Variants in CLDN18 observed in about 807,000 individuals in gnomAD.
CLDN18 encodes the protein claudin 18, also known as claudin-18.
Under a neutral mutation model 25.0 loss-of-function variants are expected in CLDN18, and 20 were observed. The observed-to-expected ratio is 0.80, with a 90% CI of 0.56 to 1.16. The LOEUF is 1.16. Ranked by LOEUF, CLDN18 falls within the 50% of genes most tolerant of loss-of-function variation. The pLI is 0.00. For synonymous variants in CLDN18, 125 were observed against 135.6 expected, an observed-to-expected ratio of 0.92 and a Z score of 0.54; for missense variants, 297 against 345.4, an observed-to-expected ratio of 0.86 and a Z score of 1.11.
chr3:138,013,329 A>T (rs1227585372), intron 1 of CLDN18, among the ~76,000 whole-genome samples: 1 of 152,224 alleles, frequency 6.6e-6, no homozygotes, highest in Non-Finnish European at 1.5e-5. Flanking sequence ...TGCAGAGACT[A>T]GAGTTCAGGA....
Position 138,029,908 on chromosome 3 carries a change from G to A in CLDN18, c.614+1G>A. 1 of 1,561,110 alleles carries A rather than the reference G, an allele frequency of 6.4e-7. No homozygotes were observed. Among genetic ancestry groups the A allele is most frequent in the Non-Finnish European group, 8.7e-7 (1 of 1,143,092 alleles). ...GGGGCCTGGCACCAGAAGAAACCAA[G>A]TGAGTCTCCCTGTTCCGCTGCAACC... On this transcript the variant is annotated splice_donor_variant, in intron 4 of 4. Coordinates refer to ENST00000183605, the MANE Select transcript of CLDN18 (RefSeq NM_016369.4). LOFTEE classifies it high-confidence loss of function.
chr3:138,010,251 T>C lies in CLDN18; in HGVS notation c.26T>C (p.Val9Ala), dbSNP rs776623998. 1 of 1,613,678 alleles carries C rather than the reference T, an allele frequency of 6.2e-7. No homozygotes were observed. The highest frequency in any genetic ancestry group is 1.7e-5 in the Admixed American group (1 of 59,992). MSTTTCQV[V>A]AFLLSILGLA... is the part of the protein sequence containing the mutation. ...ATGTCCACCACCACATGCCAAGTGG[T>C]GGCGTTCCTCCTGTCCATCCTGGGG... Residue 9 changes from valine (V) to alanine (A), a missense_variant, in exon 1 of 5, where the codon GTG becomes GCG. By Grantham distance (64) the Val-to-Ala change is moderately conservative. Coordinates refer to ENST00000183605, the MANE Select transcript of CLDN18 (RefSeq NM_016369.4).
chr3:138,024,938 A>T (rs935470890), intron 3 of CLDN18, among the ~76,000 whole-genome samples: 4 of 152,202 alleles, frequency 2.6e-5, no homozygotes, highest in Non-Finnish European at 5.9e-5. Flanking sequence ...CTGATCTGAC[A>T]TTTGCATTGA....
intron 1 of CLDN18, among the ~76,000 whole-genome samples, chr3:138,015,661 A>G (rs1211034629): frequency 6.6e-6 from 1 of 152,242 alleles, no homozygotes; most frequent in Non-Finnish European, 1.5e-5. Flanking sequence ...ACTTGAACCC[A>G]GAAATTCAAA....
In CLDN18 at chr3:138,031,378, T is replaced by C. The variant is rs369925737; in HGVS notation, c.*237T>C. 2.8e-6 allele frequency: 1 copy of C among 357,928 alleles called. No individual in the cohort carries two copies. The highest frequency in any genetic ancestry group is 5.0e-6 in the Non-Finnish European group (1 of 201,232). 22.2% of individuals were successfully genotyped at this position (357,928 alleles called of 1,614,324 possible). A position where few individuals can be genotyped will look rare whatever the true frequency, so the allele number is the denominator to read the frequency against. On this transcript the variant is annotated 3_prime_UTR_variant, in exon 5 of 5. Coordinates refer to ENST00000183605, the MANE Select transcript of CLDN18 (RefSeq NM_016369.4). ...AGGCTATAGCTCACATTTTCAATCC[T>C]CTATTTCTTTTTTTAAATATAACTT...
chr3:138,001,180 C>T (rs888885739), intron 1 of CLDN18, among the ~76,000 whole-genome samples: 11 of 152,204 alleles, frequency 7.2e-5, no homozygotes, highest in African/African-American at 9.7e-5. Flanking sequence ...CTGTCCTGTC[C>T]GCACCTAAGC....
At chr3:138,011,153 A>G (rs1361148979) in intron 1 of CLDN18, among the ~76,000 whole-genome samples, 2 of 152,220 alleles carry the variant, frequency 1.3e-5, no homozygotes, top group Non-Finnish European at 2.9e-5. Context: ...GCATCATAGC[A>G]ACTTTGCATT....
intron 1 of CLDN18, among the ~76,000 whole-genome samples, chr3:138,000,115 G>A (rs754765520): frequency 1.3e-4 from 20 of 152,034 alleles, no homozygotes; most frequent in Non-Finnish European, 2.4e-4. Context: ...TGAATCATAC[G>A]GTGATTTATT....
intron 1 of CLDN18, among the ~76,000 whole-genome samples, chr3:138,020,610 C>CA (rs2107885015): frequency 6.6e-6 from 1 of 152,272 alleles, no homozygotes; most frequent in South Asian, 2.1e-4. Context: ...CTGATGTTAG[C>CA]TGTTGTAGGA....
intron 1 of CLDN18, 93 bp downstream of exon 1, chr3:138,010,538 G>A: frequency 6.7e-7 from 1 of 1,498,784 alleles, no homozygotes; most frequent in Non-Finnish European, 9.1e-7. Flanking sequence ...CTCTGGGTGA[G>A]GACCCTGGCA....
At chr3:138,002,865 G>A (rs1225357911) in intron 1 of CLDN18, among the ~76,000 whole-genome samples, 1 of 152,188 alleles carries the variant, frequency 6.6e-6, no homozygotes, top group Non-Finnish European at 1.5e-5. Context: ...GGAACAAAAA[G>A]CAAAGGTCTT....
chr3:138,000,845 T>C (rs1942008777), intron 1 of CLDN18, among the ~76,000 whole-genome samples: 1 of 152,214 alleles, frequency 6.6e-6, no homozygotes, highest in South Asian at 2.1e-4. Context: ...TCACTGCAGA[T>C]ACGAAGTGCC....
chr3:138,017,034 T>A (rs1195850628), intron 1 of CLDN18, among the ~76,000 whole-genome samples: 2 of 147,954 alleles, frequency 1.4e-5, no homozygotes, highest in Non-Finnish European at 1.5e-5. Context: ...CCAGCCTGGG[T>A]GATAGAGTGA....
intron 1 of CLDN18, among the ~76,000 whole-genome samples, chr3:138,010,983 G>T (rs1054813359): frequency 8.6e-5 from 13 of 151,742 alleles, no homozygotes; most frequent in Non-Finnish European, 1.9e-4. Flanking sequence ...AGAATATCTT[G>T]TATACTGTCC....
chr3:138,023,233 C>T (rs540575566), intron 1 of CLDN18, among the ~76,000 whole-genome samples: 3 of 152,282 alleles, frequency 2.0e-5, no homozygotes, highest in Admixed American at 1.3e-4. Flanking sequence ...TATGGAAACA[C>T]AAGAGAAGAA....
intron 3 of CLDN18, among the ~76,000 whole-genome samples, chr3:138,025,283 T>C (rs1228452542): frequency 6.6e-6 from 1 of 152,174 alleles, no homozygotes; most frequent in East Asian, 1.9e-4. Context: ...GGGGGTACAG[T>C]CTGGCAGAGG....
At chr3:138,009,759 G>GA (rs1480959771), upstream of CLDN18, among the ~76,000 whole-genome samples, 3 of 152,244 alleles carry the variant, frequency 2.0e-5, no homozygotes, top group Non-Finnish European at 4.4e-5. Flanking sequence ...GTTGTGAGGA[G>GA]AAAATGTGAA....
At chr3:138,023,951 G>C in intron 2 of CLDN18, 129 bp downstream of exon 2, 1 of 927,968 alleles carries the variant, frequency 1.1e-6, no homozygotes, top group Non-Finnish European at 1.6e-6. Flanking sequence ...CATGATCTGA[G>C]TGTGGAGGTC....
chr3:138,028,509 T>C (rs1942353061), intron 3 of CLDN18, among the ~76,000 whole-genome samples: 1 of 152,052 alleles, frequency 6.6e-6, no homozygotes, highest in Non-Finnish European at 1.5e-5. Flanking sequence ...ATTCACAGAG[T>C]TCTACAAACA....
Sources: allele counts gnomAD v4.1 joint callset (sites outside exome capture counted in the v4.1 genomes callset), GRCh38; gene constraint gnomAD v4.1.1; transcripts MANE v1.5; gene names NCBI Gene and HGNC (gene_info 2026-07-23, HGNC 2026-07-21).